RBKS: variants seen among roughly 807,000 people sequenced by gnomAD.
RBKS encodes the protein ribokinase.
A neutral mutation model predicts 33.9 loss-of-function variants in RBKS; 33 were observed. That is an observed-to-expected ratio of 0.97 (90% CI 0.74 to 1.30). The LOEUF (loss-of-function observed/expected upper bound fraction) is 1.30, where lower values mean the gene tolerates loss of function less well. Ranked by LOEUF, RBKS falls within the 50% of genes most tolerant of loss-of-function variation. The pLI is 0.00. For missense variants in RBKS, 361 were observed against 392.6 expected (o/e 0.92, Z 0.68); for synonymous variants, 125 against 143.0 (o/e 0.87, Z 0.90).
intron 7 of RBKS, among the ~76,000 whole-genome samples, chr2:27,791,613 T>TACAC (rs59707075): frequency 0.034 from 4,770 of 140,986 alleles, 157 homozygotes; most frequent in African/African-American, 0.084. Context: ...ATAATAAATC[T>TACAC]ACACACACAC....
intron 7 of RBKS, among the ~76,000 whole-genome samples, chr2:27,785,081 G>T (rs997089243): frequency 6.6e-6 from 1 of 152,028 alleles, no homozygotes; most frequent in Non-Finnish European, 1.5e-5. Context: ...TTAAATTCTA[G>T]CTAAAGTCTT....
intron 1 of RBKS, among the ~76,000 whole-genome samples, chr2:27,876,189 T>C (rs1039209924): frequency 7.2e-5 from 11 of 152,214 alleles, no homozygotes; most frequent in African/African-American, 2.7e-4. Flanking sequence ...TGTATTCCCA[T>C]GTTAATAGCA....
chr2:27,833,013 G>A (rs1447208125), intron 5 of RBKS, among the ~76,000 whole-genome samples: 6 of 152,100 alleles, frequency 3.9e-5, no homozygotes, highest in East Asian at 3.9e-4. Flanking sequence ...AGCTTCCAGG[G>A]AAAAGAGCAA....
intron 1 of RBKS, chr2:27,870,585 C>T (rs1024137630): frequency 1.1e-5 from 4 of 361,188 alleles, no homozygotes; most frequent in Non-Finnish European, 2.2e-5. Context: ...TGTACTTTAA[C>T]GTGGTTGATA....
chr2:27,879,765 T>G (rs1285791996), intron 1 of RBKS, among the ~76,000 whole-genome samples: 1 of 152,056 alleles, frequency 6.6e-6, no homozygotes, highest in African/African-American at 2.4e-5. Flanking sequence ...CCTGGACACA[T>G]ACACCCTCCC....
In RBKS at chr2:27,795,349, C is replaced by T. The variant is rs78805042; in HGVS notation, c.796-13561G>A. Among the ~76,000 whole-genome samples the T allele has an allele frequency of 0.012, 1,791 of 152,058 alleles. 32 individuals are homozygous for T. The highest frequency in any genetic ancestry group is 0.041 in the African/African-American group (1,712 of 41,456). Reference sequence around the variant, plus strand: ...GAGGCTCCTGGCTGACAGGGGCCTTCGGGTCAAAGACAAGAAGGCTGATCT... The same window carrying T: ...GAGGCTCCTGGCTGACAGGGGCCTTTGGGTCAAAGACAAGAAGGCTGATCT... On this transcript the variant is annotated intron_variant, in intron 7 of 7. Coordinates refer to ENST00000302188, the MANE Select transcript of RBKS (RefSeq NM_022128.3). This position sits in a 1 kb window ranked among gnomAD's most constrained non-coding sequence, Gnocchi z 4.1.
At chr2:27,880,398 A>G (rs1158987166) in intron 1 of RBKS, among the ~76,000 whole-genome samples, 1 of 152,204 alleles carries the variant, frequency 6.6e-6, no homozygotes, top group East Asian at 1.9e-4. Context: ...CTCCTATTCA[A>G]TATAGTATTG....
chr2:27,835,459 C>T (rs1264316499), intron 5 of RBKS, among the ~76,000 whole-genome samples: 2 of 117,562 alleles, frequency 1.7e-5, no homozygotes, highest in Non-Finnish European at 3.3e-5. Context: ...GGCTCTGTCA[C>T]CCAGGCTGGA....
At chr2:27,858,914 G>A (rs1341251816) in intron 1 of RBKS, among the ~76,000 whole-genome samples, 2 of 152,156 alleles carry the variant, frequency 1.3e-5, no homozygotes, top group East Asian at 3.9e-4. Flanking sequence ...TAATAAATGG[G>A]ATGAAATTAA....
At position 27,890,287 on chromosome 2, in the gene RBKS, A is replaced by G. The variant is rs1664708208; in HGVS notation, c.59T>C (p.Val20Ala). ...CAGGTCGGTCATGCAGGAGCCCACC[A>G]CTACCACCGCCGCCACCTCCTCTTG... is the stretch of plus-strand genomic sequence containing the variant. Reference protein sequence around the residue: ...QWQEEVAAVVVVGSCMTDLVS... With the variant: ...QWQEEVAAVVAVGSCMTDLVS... Residue 20 changes from valine (V) to alanine (A), a missense_variant, in exon 1 of 8, where the codon GTG becomes GCG. Physicochemically the swap from Val to Ala is moderately conservative, Grantham distance 64 (BLOSUM62 0). Transcript: ENST00000302188. The surrounding 1 kb of genome is among the most constrained non-coding windows in gnomAD (Gnocchi z 4.8). 6.2e-7 allele frequency: 1 copy of G among 1,613,662 alleles called. No individual in the cohort carries two copies. The highest frequency in any genetic ancestry group is 1.1e-5 in the South Asian group (1 of 91,058).
chr2:27,797,134 A>C (rs573075494), intron 7 of RBKS, among the ~76,000 whole-genome samples: 10 of 152,348 alleles, frequency 6.6e-5, no homozygotes, highest in Non-Finnish European at 1.5e-4. Flanking sequence ...GGCTCTGCTC[A>C]GAGTCAGGCT....
rs578067974 is a variant in RBKS, at chr2:27,847,899, G to A, written c.286+135C>T. The A allele has an allele frequency of 7.8e-6, 5 of 639,414 alleles. No homozygotes were observed. The African/African-American group carries it at 9.4e-5, about 12-fold the overall frequency. The allele number at this position is 639,414 out of a possible 1,614,324, so 39.6% of individuals were successfully genotyped here. ...AACCCAAGGACATTTAAGCAAGAATGGACAAAGCTGTGCATAGAAATTCTC... is the reference window on the plus strand; with the variant it reads ...AACCCAAGGACATTTAAGCAAGAATAGACAAAGCTGTGCATAGAAATTCTC... On this transcript the variant is annotated intron_variant, in intron 3 of 7. Transcript: ENST00000302188.
rs756001353 is a variant in RBKS at position 27,795,251 on chromosome 2, C to T, written c.796-13463G>A. Among the ~76,000 whole-genome samples the T allele has an allele frequency of 6.6e-6, 1 of 152,124 alleles. No individual in the cohort carries two copies. The highest frequency in any genetic ancestry group is 2.4e-5 in the African/African-American group (1 of 41,420). The stretch of plus-strand genomic sequence containing the variant: ...CCACCTTCTCACCAGATGTGAGATG[C>T]AGGGGTTCTGTGTTTTTCTGCACAA... On this transcript the variant is annotated intron_variant, in intron 7 of 7. Coordinates refer to ENST00000302188, the MANE Select transcript of RBKS (RefSeq NM_022128.3). The surrounding 1 kb of genome is among the most constrained non-coding windows in gnomAD (Gnocchi z 4.1).
chr2:27,821,370 T>C (rs1008613750), intron 7 of RBKS, among the ~76,000 whole-genome samples: 1 of 152,120 alleles, frequency 6.6e-6, no homozygotes, highest in Admixed American at 6.6e-5. Flanking sequence ...ATTACACTAT[T>C]TTTTAGTTGT....
At chr2:27,860,829 C>T (rs1471033839) in intron 1 of RBKS, among the ~76,000 whole-genome samples, 2 of 152,158 alleles carry the variant, frequency 1.3e-5, no homozygotes, top group African/African-American at 2.4e-5. Flanking sequence ...GTAGACTTTC[C>T]CTGCATGAGG....
At chr2:27,801,961 AAAATAT>A (rs1381273156) in intron 7 of RBKS, among the ~76,000 whole-genome samples, 4 of 63,906 alleles carry the variant, frequency 6.3e-5, no homozygotes, top group Non-Finnish European at 9.3e-5. Context: ...AAAAAAAAAA[AAAATAT>A]ATATATATAT....
At chr2:27,806,301 C>T (rs1182556233) in intron 7 of RBKS, among the ~76,000 whole-genome samples, 1 of 152,178 alleles carries the variant, frequency 6.6e-6, no homozygotes, top group African/African-American at 2.4e-5. Context: ...GAGACACATC[C>T]ATAAGGCCAT....
Position 27,810,221 on chromosome 2 carries a change from T to A in RBKS, c.795+17346A>T, listed in dbSNP as rs563115597. 6.6e-6 allele frequency among the ~76,000 whole-genome samples: 1 copy of A among 152,336 alleles called. No homozygotes were observed. Among genetic ancestry groups the A allele is most frequent in the South Asian group, 2.1e-4 (1 of 4,826 alleles). On this transcript the variant is annotated intron_variant, in intron 7 of 7. Transcript: ENST00000302188. This position sits in a 1 kb window ranked among gnomAD's most constrained non-coding sequence, Gnocchi z 4.4. ...GATTTGTCACTTTATCAGGGAAGGA[T>A]GCATAGTTACGTGAAGGCTGTGTTT...
chr2:27,807,371 T>C (rs995640531), intron 7 of RBKS, among the ~76,000 whole-genome samples: 9 of 152,166 alleles, frequency 5.9e-5, no homozygotes, highest in African/African-American at 1.9e-4. Flanking sequence ...TACACTGGCA[T>C]GGCAGAGGTC....
Sources: allele counts gnomAD v4.1 joint callset (sites outside exome capture counted in the v4.1 genomes callset), GRCh38; gene constraint gnomAD v4.1.1; non-coding constraint Gnocchi (gnomAD v3.1); transcripts MANE v1.5; gene names NCBI Gene and HGNC (gene_info 2026-07-23, HGNC 2026-07-21).